TP63: variants seen among roughly 807,000 people sequenced by gnomAD.
TP63 encodes tumor protein p63.
A neutral mutation model predicts 82.8 loss-of-function variants in TP63; 17 were observed. That is an observed-to-expected ratio of 0.21 (90% CI 0.14 to 0.31). The LOEUF is 0.31. Among genes scored for constraint, TP63 ranks in the 10% least tolerant of loss-of-function variants. The pLI, the probability that TP63 is intolerant of heterozygous loss-of-function variation, is 1.00. For missense variants in TP63, 648 were observed against 895.3 expected (o/e 0.72, Z 3.52); for synonymous variants, 330 against 321.7 (o/e 1.03, Z -0.28).
At chr3:189,667,877 A>C (rs910363537) in intron 1 of TP63, among the ~76,000 whole-genome samples, 1 of 152,122 alleles carries the variant, frequency 6.6e-6, no homozygotes, top group Non-Finnish European at 1.5e-5. Flanking sequence ...ATGTGAAAGC[A>C]TCTATAGAAA....
In TP63 at chr3:189,868,575, C is replaced by T. The variant is rs1158423766; in HGVS notation, c.993-5C>T. On this transcript the variant is annotated splice_polypyrimidine_tract_variant and splice_region_variant and intron_variant, in intron 7 of 13. Transcript: ENST00000264731. ...CTCTTTCTTCCCCTTTATTCTAATT[C>T]CTAGTGGGCAAGTCCTGGGCCGACG... 2 of 1,613,972 alleles carry T rather than the reference C, an allele frequency of 1.2e-6. No homozygotes were observed. The highest frequency in any genetic ancestry group is 1.7e-5 in the Admixed American group (1 of 60,014).
chr3:189,738,490 T>G, intron 2 of TP63, 152 bp from the exon 3 acceptor site: 2 of 1,086,034 alleles, frequency 1.8e-6, no homozygotes, highest in Admixed American at 4.0e-5. Flanking sequence ...TGATAAGTGA[T>G]TGAGCCAGGA....
chr3:189,824,035 C>T (rs1408142467), intron 4 of TP63, among the ~76,000 whole-genome samples: 1 of 152,004 alleles, frequency 6.6e-6, no homozygotes, highest in African/African-American at 2.4e-5. Flanking sequence ...TAATAGCCCC[C>T]CAAACCTTGA....
intron 3 of TP63, among the ~76,000 whole-genome samples, chr3:189,761,887 A>G (rs560262073): frequency 5.3e-4 from 81 of 152,298 alleles, no homozygotes; most frequent in Non-Finnish European, 5.3e-4. Context: ...AGGCAGAGAG[A>G]GCTTGTGCAG....
intron 4 of TP63, among the ~76,000 whole-genome samples, chr3:189,821,463 C>G (rs1728786214): frequency 6.6e-6 from 1 of 152,136 alleles, no homozygotes; most frequent in South Asian, 2.1e-4. Context: ...TGTCACTGGT[C>G]TCAATAGAGG....
Position 189,894,706 on chromosome 3 carries a change from T to G in TP63, c.*204T>G. 4.7e-6 allele frequency: 3 copies of G among 639,608 alleles called. No homozygotes were observed. The highest frequency in any genetic ancestry group is 5.3e-6 in the Non-Finnish European group (2 of 378,020). The allele number at this position is 639,608 out of a possible 1,614,324, so 39.6% of individuals were successfully genotyped here. Reference sequence around the variant, plus strand: ...TTCTGGCTTTAAGCCTTCAAAACTATAGCTTGCAGAACTGTAGCTGCCATG... The same window carrying G: ...TTCTGGCTTTAAGCCTTCAAAACTAGAGCTTGCAGAACTGTAGCTGCCATG... On this transcript the variant is annotated 3_prime_UTR_variant, in exon 14 of 14. Transcript: ENST00000264731.
Position 189,864,351 on chromosome 3 carries a change from A to G in TP63, c.699A>G (p.Lys233=), listed in dbSNP as rs199727371. 2.3e-4 allele frequency: 374 copies of G among 1,614,136 alleles called. 1 individual carries two copies. Among genetic ancestry groups the G allele is most frequent in the Admixed American group, 3.0e-4 (18 of 60,024 alleles). ...AVIRAMPVYK[K]AEHVTEVVKR... ...TCCGCGCCATGCCTGTCTACAAAAAAGCTGAGCACGTCACGGAGGTGGTGA... is the reference window on the plus strand; with the variant it reads ...TCCGCGCCATGCCTGTCTACAAAAAGGCTGAGCACGTCACGGAGGTGGTGA... Residue 233 remains lysine (K), a synonymous_variant, in exon 5 of 14, where the codon AAA becomes AAG. Transcript: ENST00000264731.
At chr3:189,766,068 G>A (rs1323058256) in intron 3 of TP63, among the ~76,000 whole-genome samples, 1 of 152,162 alleles carries the variant, frequency 6.6e-6, no homozygotes, top group African/African-American at 2.4e-5. Context: ...AGGTGCAATG[G>A]TGAATGCCTG....
chr3:189,722,372 G>A (rs1335335496), intron 1 of TP63, among the ~76,000 whole-genome samples: 1 of 152,240 alleles, frequency 6.6e-6, no homozygotes, highest in Non-Finnish European at 1.5e-5. Context: ...TTTAGTGTCA[G>A]CAATCCTTGG....
rs199718457 is a variant in TP63 at position 189,886,571 on chromosome 3, G to C, written c.1507+20G>C. The C allele has an allele frequency of 1.4e-5, 23 of 1,613,514 alleles. No individual in the cohort carries two copies. The highest frequency in any genetic ancestry group is 1.7e-5 in the Admixed American group (1 of 60,022). ...CCAACAGTAAGAGCATCTCCTTTTA[G>C]CTGTGGCTGAAGGATGAACAGGCTA... On this transcript the variant is annotated intron_variant, in intron 11 of 13. Coordinates refer to ENST00000264731, the MANE Select transcript of TP63 (RefSeq NM_003722.5).
intron 3 of TP63, among the ~76,000 whole-genome samples, chr3:189,765,425 G>C (rs989608489): frequency 3.0e-4 from 5 of 16,760 alleles, no homozygotes; most frequent in African/African-American, 8.9e-4. Context: ...TAAATATCCT[G>C]TCCTCTGCTT....
intron 4 of TP63, among the ~76,000 whole-genome samples, chr3:189,821,114 C>CA (rs1055174981): frequency 2.0e-5 from 3 of 151,430 alleles, no homozygotes; most frequent in Admixed American, 1.3e-4. Flanking sequence ...GTGAAAAGAA[C>CA]AAAAAAAAGC....
intron 3 of TP63, among the ~76,000 whole-genome samples, chr3:189,761,324 A>G (rs575210073): frequency 9.2e-5 from 14 of 152,292 alleles, no homozygotes; most frequent in Non-Finnish European, 1.9e-4. Context: ...CACCCAAGTC[A>G]CTTCTTAAAT....
intron 4 of TP63, among the ~76,000 whole-genome samples, chr3:189,829,326 A>C (rs2108697710): frequency 1.3e-5 from 2 of 152,292 alleles, no homozygotes; most frequent in South Asian, 4.1e-4. Flanking sequence ...TACACTACAG[A>C]GATTGCCCTA....
chr3:189,845,074 T>G (rs1039130776), intron 4 of TP63, among the ~76,000 whole-genome samples: 5 of 152,208 alleles, frequency 3.3e-5, no homozygotes, highest in Non-Finnish European at 1.5e-5. Flanking sequence ...GAAAAAAAAT[T>G]AAGTCACTGA....
intron 1 of TP63, among the ~76,000 whole-genome samples, chr3:189,692,893 A>G (rs1343772740): frequency 1.3e-5 from 2 of 152,196 alleles, no homozygotes; most frequent in African/African-American, 2.4e-5. Context: ...GGAGCCAGCC[A>G]GTAGCAAGTG....
At chr3:189,630,824 A>G (rs1349204755), upstream of TP63, among the ~76,000 whole-genome samples, 1 of 152,054 alleles carries the variant, frequency 6.6e-6, no homozygotes, top group African/African-American at 2.4e-5. Context: ...AGTGAGTTCT[A>G]AGTTAAATAT....
chr3:189,839,581 C>T (rs1444060813), intron 4 of TP63, among the ~76,000 whole-genome samples: 1 of 152,144 alleles, frequency 6.6e-6, no homozygotes, highest in African/African-American at 2.4e-5. Context: ...GTAATATTAA[C>T]TAGTACCTTA....
At chr3:189,630,321 A>C (rs1729413415), upstream of TP63, among the ~76,000 whole-genome samples, 1 of 152,130 alleles carries the variant, frequency 6.6e-6, no homozygotes. Flanking sequence ...GTTGGAGTCT[A>C]TCCTAACTGA....
Sources: allele counts gnomAD v4.1 joint callset (sites outside exome capture counted in the v4.1 genomes callset), GRCh38; gene constraint gnomAD v4.1.1; transcripts MANE v1.5; gene names NCBI Gene and HGNC (gene_info 2026-07-23, HGNC 2026-07-21).